MARCHF1: variants seen among roughly 807,000 people sequenced by gnomAD.
MARCHF1 encodes E3 ubiquitin-protein ligase MARCHF1.
A neutral mutation model predicts 54.2 loss-of-function variants in MARCHF1; 40 were observed. That is an observed-to-expected ratio of 0.74 (90% CI 0.57 to 0.96). The LOEUF is 0.96. Ranked by LOEUF, MARCHF1 falls within the 40% of genes least tolerant of loss-of-function variation. The probability of loss-of-function intolerance (pLI) is 0.00; values close to 1 mark genes in which losing one functional copy is unlikely to be tolerated. For synonymous variants in MARCHF1, 236 were observed against 236.3 expected (o/e 1.00, Z 0.01); for missense variants, 586 against 656.5 (o/e 0.89, Z 1.17).
intron 1 of MARCHF1, among the ~76,000 whole-genome samples, chr4:164,313,479 A>T (rs180901762): frequency 1.3e-5 from 2 of 152,226 alleles, no homozygotes; most frequent in East Asian, 1.9e-4. Flanking sequence ...CAAAGCCTAG[A>T]TCCTCTGCAG....
At chr4:164,338,308 C>T (rs1282044751) in intron 1 of MARCHF1, among the ~76,000 whole-genome samples, 2 of 151,828 alleles carry the variant, frequency 1.3e-5, no homozygotes, top group Non-Finnish European at 2.9e-5. Context: ...TCAAAGCATA[C>T]CATTACAGAA....
At chr4:164,012,503 A>G (rs777749195) in intron 2 of MARCHF1, among the ~76,000 whole-genome samples, 217 of 152,124 alleles carry the variant, frequency 1.4e-3, no homozygotes, top group Non-Finnish European at 2.0e-3. Context: ...TGCTGACTAA[A>G]GTGGTCTTGG....
intron 2 of MARCHF1, among the ~76,000 whole-genome samples, chr4:164,018,806 G>C (rs1001379119): frequency 6.6e-6 from 1 of 152,110 alleles, no homozygotes; most frequent in Non-Finnish European, 1.5e-5. Flanking sequence ...AATGTGACAT[G>C]GTGGTTTTCA....
chr4:164,066,263 C>A (rs918224383), intron 2 of MARCHF1, among the ~76,000 whole-genome samples: 2 of 152,048 alleles, frequency 1.3e-5, no homozygotes, highest in Non-Finnish European at 2.9e-5. Context: ...CGAGCACACA[C>A]AAAAAAATTC....
At chr4:164,330,713 C>T (rs1230780449) in intron 1 of MARCHF1, among the ~76,000 whole-genome samples, 1 of 152,116 alleles carries the variant, frequency 6.6e-6, no homozygotes, top group Admixed American at 6.6e-5. Context: ...GCAAGGCTAA[C>T]TGATACAGGA....
intron 1 of MARCHF1, among the ~76,000 whole-genome samples, chr4:164,158,139 A>C (rs889714623): frequency 1.3e-5 from 2 of 152,192 alleles, no homozygotes. Context: ...TTTTAAAAAA[A>C]CTTCTGTTTA....
chr4:164,060,504 G>C (rs1224908072), intron 2 of MARCHF1, among the ~76,000 whole-genome samples: 2 of 152,076 alleles, frequency 1.3e-5, no homozygotes, highest in East Asian at 3.8e-4. Context: ...TTGTAGTCCT[G>C]TAGTGAAACG....
At chr4:163,681,785 A>G (rs115480842) in intron 5 of MARCHF1, among the ~76,000 whole-genome samples, 160 of 152,326 alleles carry the variant, frequency 1.1e-3, no homozygotes, top group African/African-American at 3.7e-3. Flanking sequence ...GTACTTCTTC[A>G]TAGCAGTGTG....
chr4:163,994,153 C>G (rs1346735524), intron 2 of MARCHF1, among the ~76,000 whole-genome samples: 1 of 151,922 alleles, frequency 6.6e-6, no homozygotes, highest in Non-Finnish European at 1.5e-5. Flanking sequence ...GCAGTCATCC[C>G]AAAAGAGGGA....
chr4:163,620,567 C>CCACACACACA (rs138692310), intron 5 of MARCHF1, among the ~76,000 whole-genome samples: 4 of 120,076 alleles, frequency 3.3e-5, no homozygotes, highest in Admixed American at 1.8e-4. Context: ...ATGAGGTACA[C>CCACACACACA]CACACACACA....
At chr4:164,319,403 T>TGGTACCCAG (rs1735080224) in intron 1 of MARCHF1, among the ~76,000 whole-genome samples, 1 of 152,140 alleles carries the variant, frequency 6.6e-6, no homozygotes, top group Admixed American at 6.6e-5. Context: ...TACACTGACC[T>TGGTACCCAG]GGTACCCATG....
At chr4:164,019,853 G>C (rs1268288899) in intron 2 of MARCHF1, among the ~76,000 whole-genome samples, 2 of 152,208 alleles carry the variant, frequency 1.3e-5, no homozygotes, top group African/African-American at 2.4e-5. Flanking sequence ...AGGCCTAATT[G>C]TAAGGGTGTA....
At chr4:163,753,107 C>A (rs372157770) in intron 4 of MARCHF1, among the ~76,000 whole-genome samples, 25 of 148,118 alleles carry the variant, frequency 1.7e-4, no homozygotes, top group Non-Finnish European at 4.5e-5. Flanking sequence ...AATAAAATAA[C>A]AAAATAAAAT....
intron 4 of MARCHF1, among the ~76,000 whole-genome samples, chr4:163,704,721 T>C (rs1213047755): frequency 6.6e-6 from 1 of 151,770 alleles, no homozygotes; most frequent in Non-Finnish European, 1.5e-5. Flanking sequence ...CTATAGCATA[T>C]AGCAAAAGCT....
chr4:163,907,830 G>T (rs1751104390), intron 3 of MARCHF1, among the ~76,000 whole-genome samples: 1 of 152,094 alleles, frequency 6.6e-6, no homozygotes, highest in Admixed American at 6.6e-5. Flanking sequence ...ACTTTAGAAC[G>T]ATATGTGTGG....
At chr4:163,948,205 T>C (rs1024961762) in intron 3 of MARCHF1, among the ~76,000 whole-genome samples, 9 of 152,208 alleles carry the variant, frequency 5.9e-5, no homozygotes, top group African/African-American at 1.4e-4. Context: ...TGGCATCACA[T>C]GGTATACTTT....
chr4:163,626,446 T>A (rs1368621722), intron 5 of MARCHF1, among the ~76,000 whole-genome samples: 1 of 152,232 alleles, frequency 6.6e-6, no homozygotes, highest in Non-Finnish European at 1.5e-5. Flanking sequence ...AAAAGAATAA[T>A]CGTGCATAAT....
chr4:163,958,700 T>A (rs1385105869), intron 3 of MARCHF1, among the ~76,000 whole-genome samples: 5 of 151,968 alleles, frequency 3.3e-5, no homozygotes. Flanking sequence ...CTTAGTTGGC[T>A]GGTCTTTTAA....
At chr4:164,036,745 T>C (rs953757080) in intron 2 of MARCHF1, among the ~76,000 whole-genome samples, 1 of 152,150 alleles carries the variant, frequency 6.6e-6, no homozygotes, top group African/African-American at 2.4e-5. Context: ...CTCAATGTCA[T>C]ACCATCACAT....
Sources: allele counts gnomAD v4.1 joint callset (sites outside exome capture counted in the v4.1 genomes callset), GRCh38; gene constraint gnomAD v4.1.1; transcripts MANE v1.5; gene names NCBI Gene and HGNC (gene_info 2026-07-23, HGNC 2026-07-21).